The following GLT8D2 variants were observed in gnomAD, a reference collection of about 807,000 sequenced individuals.
GLT8D2 encodes glycosyltransferase 8 domain containing 2, also known as glycosyltransferase 8 domain-containing protein 2.
In GLT8D2, 45 loss-of-function variants were observed where a neutral mutation model predicts 44.5. The ratio of observed to expected loss-of-function variants is 1.01; its 90% CI spans 0.80 to 1.30. The LOEUF is 1.30. Among genes scored for constraint, GLT8D2 ranks in the 50% most tolerant of loss-of-function variants. The pLI, the probability that GLT8D2 is intolerant of heterozygous loss-of-function variation, is 0.00. For synonymous variants in GLT8D2, 156 were observed against 157.2 expected, an observed-to-expected ratio of 0.99 and a Z score of 0.06; for missense variants, 400 against 430.4, an observed-to-expected ratio of 0.93 and a Z score of 0.62.
At chr12:104,012,680 T>C (rs1876028051) in intron 4 of GLT8D2, 1 of 604,526 alleles carries the variant, frequency 1.7e-6, no homozygotes, top group Non-Finnish European at 2.9e-6. Flanking sequence ...GATACTGCTA[T>C]GGACTGAATT....
intron 1 of GLT8D2, among the ~76,000 whole-genome samples, chr12:104,062,423 A>G (rs1424927351): frequency 3.9e-5 from 6 of 151,980 alleles, no homozygotes; most frequent in Non-Finnish European, 8.8e-5. Flanking sequence ...AAAAGCTTAG[A>G]TAGATGAGAA....
At chr12:103,996,167 T>G (rs1309934029) in intron 8 of GLT8D2, among the ~76,000 whole-genome samples, 1 of 152,194 alleles carries the variant, frequency 6.6e-6, no homozygotes, top group Non-Finnish European at 1.5e-5. Context: ...ACCTCATATT[T>G]CAAAGCTACC....
chr12:103,993,290 C>T, intron 10 of GLT8D2, 102 bp downstream of exon 10: 1 of 868,658 alleles, frequency 1.2e-6, no homozygotes, highest in South Asian at 1.4e-5. Context: ...GAGATCACGC[C>T]ATTGCACTCC....
intron 1 of GLT8D2, among the ~76,000 whole-genome samples, chr12:104,042,315 T>C (rs1198977487): frequency 6.6e-6 from 1 of 152,138 alleles, no homozygotes; most frequent in Non-Finnish European, 1.5e-5. Flanking sequence ...GCAGCCACCT[T>C]GAGACCATGA....
chr12:104,015,437 A>ACACACAC (rs1373206430), intron 3 of GLT8D2, among the ~76,000 whole-genome samples: 1,230 of 80,954 alleles, frequency 0.015, 21 homozygotes, highest in African/African-American at 0.041. Flanking sequence ...CACACACACA[A>ACACACAC]ATTAGCTGGG....
In GLT8D2 at chr12:103,991,887, A is replaced by G. The variant is rs558916765; in HGVS notation, c.880+1505T>C. Among the ~76,000 whole-genome samples, 3 of 151,854 alleles carry G rather than the reference A, an allele frequency of 2.0e-5. No homozygotes were observed. The South Asian group carries it at 6.2e-4, about 32-fold the overall frequency. On this transcript the variant is annotated intron_variant, in intron 10 of 10. Transcript: ENST00000360814. The stretch of plus-strand genomic sequence containing the variant: ...ACCTTGCAGGGTTGTTGTGAGAATT[A>G]GAAATAATATTCACCTTCCTTAACA...
intron 1 of GLT8D2, among the ~76,000 whole-genome samples, chr12:104,034,533 C>A (rs1456165290): frequency 1.3e-5 from 2 of 152,268 alleles, no homozygotes; most frequent in Non-Finnish European, 2.9e-5. Context: ...GAGCCTTGCT[C>A]ACTGCTAGCG....
intron 4 of GLT8D2, among the ~76,000 whole-genome samples, chr12:104,007,567 A>T (rs1021702954): frequency 6.6e-6 from 1 of 152,230 alleles, no homozygotes; most frequent in Non-Finnish European, 1.5e-5. Context: ...AACACTGTTA[A>T]GGAGGAAAAG....
At chr12:104,033,281 A>G (rs182282533) in intron 1 of GLT8D2, among the ~76,000 whole-genome samples, 22 of 152,316 alleles carry the variant, frequency 1.4e-4, no homozygotes, top group Admixed American at 7.9e-4. Flanking sequence ...ATGTGTGTGT[A>G]TGTAGACATA....
At chr12:103,992,463 AC>A (rs1172522790) in intron 10 of GLT8D2, among the ~76,000 whole-genome samples, 1 of 150,670 alleles carries the variant, frequency 6.6e-6, no homozygotes, top group African/African-American at 2.4e-5. Flanking sequence ...TGAAGTTTTG[AC>A]AGTGAAAGTT....
chr12:104,022,990 G>A (rs1284897414), intron 1 of GLT8D2, among the ~76,000 whole-genome samples: 1 of 152,200 alleles, frequency 6.6e-6, no homozygotes, highest in East Asian at 1.9e-4. Flanking sequence ...ACCAGCTGCT[G>A]CTTCAGAGCA....
intron 4 of GLT8D2, among the ~76,000 whole-genome samples, chr12:104,007,267 C>CTCTCTCTCTCTCTCTCTCTCA (rs1487433634): frequency 7.3e-5 from 1 of 13,648 alleles, no homozygotes; most frequent in Non-Finnish European, 1.9e-4. Context: ...TCTCTCTCTC[C>CTCTCTCTCTCTCTCTCTCTCA]CCCCGCTCTC....
chr12:104,021,930 GAAGA>G, intron 1 of GLT8D2, among the ~76,000 whole-genome samples: 1 of 24,734 alleles, frequency 4.0e-5, no homozygotes, highest in Admixed American at 5.4e-4. Flanking sequence ...AGAAGAAGAA[GAAGA>G]AGAAGAAGAA....
intron 4 of GLT8D2, among the ~76,000 whole-genome samples, chr12:104,010,498 T>C (rs1875694615): frequency 6.6e-6 from 1 of 152,232 alleles, no homozygotes; most frequent in African/African-American, 2.4e-5. Context: ...TTGCCTATGG[T>C]TGAATTTATT....
intron 4 of GLT8D2, among the ~76,000 whole-genome samples, chr12:104,008,326 A>G (rs1354064464): frequency 1.3e-5 from 2 of 152,210 alleles, no homozygotes; most frequent in Non-Finnish European, 2.9e-5. Flanking sequence ...AACTGGAACA[A>G]AGGTGACTTT....
At chr12:104,003,901 A>G (rs1379516830) in intron 4 of GLT8D2, among the ~76,000 whole-genome samples, 2 of 152,244 alleles carry the variant, frequency 1.3e-5, no homozygotes, top group African/African-American at 4.8e-5. Flanking sequence ...ATAGATTAGA[A>G]GAATAAAATG....
intron 4 of GLT8D2, among the ~76,000 whole-genome samples, chr12:104,012,360 A>C (rs1426297717): frequency 6.6e-6 from 1 of 152,136 alleles, no homozygotes; most frequent in East Asian, 1.9e-4. Flanking sequence ...TCGATTTTAA[A>C]AAATTTTAAC....
At chr12:104,044,119 C>A (rs894264898) in intron 1 of GLT8D2, among the ~76,000 whole-genome samples, 1 of 152,194 alleles carries the variant, frequency 6.6e-6, no homozygotes, top group Non-Finnish European at 1.5e-5. Context: ...ATCGCGTGAT[C>A]ACACCGGCCT....
intron 4 of GLT8D2, chr12:104,014,493 G>A (rs2136340543): frequency 1.7e-6 from 1 of 571,558 alleles, no homozygotes; most frequent in Non-Finnish European, 3.1e-6. Context: ...ATGGTTCTCA[G>A]TGCAGCTGGG....
Sources: allele counts gnomAD v4.1 joint callset (sites outside exome capture counted in the v4.1 genomes callset), GRCh38; gene constraint gnomAD v4.1.1; transcripts MANE v1.5; gene names NCBI Gene and HGNC (gene_info 2026-07-23, HGNC 2026-07-21).